The following ANO10 variants were observed in gnomAD, a reference collection of about 807,000 sequenced individuals.
ANO10 encodes the protein anoctamin-10.
A neutral mutation model predicts 74.7 loss-of-function variants in ANO10; 77 were observed. The observed-to-expected ratio is 1.03, with a 90% CI of 0.86 to 1.25. ANO10 has a LOEUF of 1.25. Among genes scored for constraint, ANO10 ranks in the 50% most tolerant of loss-of-function variants. The probability of loss-of-function intolerance (pLI) is 0.00; values close to 1 mark genes in which losing one functional copy is unlikely to be tolerated. For missense variants in ANO10, 721 were observed against 778.1 expected (o/e 0.93, Z 0.87); for synonymous variants, 279 against 284.9 (o/e 0.98, Z 0.21).
At chr3:43,404,558 T>A (rs982556927) in intron 12 of ANO10, among the ~76,000 whole-genome samples, 4 of 152,010 alleles carry the variant, frequency 2.6e-5, no homozygotes, top group Admixed American at 1.3e-4. Flanking sequence ...ACCCATCATA[T>A]TTGTGGTAAT....
intron 1 of ANO10, among the ~76,000 whole-genome samples, chr3:43,611,219 T>C (rs1040039841): frequency 6.6e-6 from 1 of 152,204 alleles, no homozygotes; most frequent in African/African-American, 2.4e-5. Flanking sequence ...CAATGTTTTA[T>C]TTCCCTTTCC....
chr3:43,667,602 T>C (rs938849338), intron 1 of ANO10, among the ~76,000 whole-genome samples: 3 of 152,088 alleles, frequency 2.0e-5, no homozygotes, highest in Non-Finnish European at 2.9e-5. Context: ...TGACCTTCCC[T>C]GCACCCTAAG....
chr3:43,690,795 G>T lies in ANO10; in HGVS notation c.-12+722C>A, dbSNP rs376299695. On this transcript the variant is annotated intron_variant, in intron 1 of 3. Transcript: ENST00000413397. The stretch of plus-strand genomic sequence containing the variant: ...TCGGGCGGGAGAACTAGTGCATGCT[G>T]GCTGGGGATGGCGGACGCAAAGCCG... 19 of 468,136 alleles carry T rather than the reference G, an allele frequency of 4.1e-5. No individual in the cohort carries two copies. In the East Asian group the frequency reaches 5.2e-4, roughly 13 times the overall value. The allele number at this position is 468,136 out of a possible 1,614,324, so 29.0% of individuals were successfully genotyped here.
chr3:43,378,128 A>G (rs895829261), intron 12 of ANO10, among the ~76,000 whole-genome samples: 1 of 152,268 alleles, frequency 6.6e-6, no homozygotes, highest in Non-Finnish European at 1.5e-5. Flanking sequence ...ATCAGTTTCA[A>G]CACAACTTAG....
intron 1 of ANO10, chr3:43,690,824 G>A (rs1442110539): frequency 1.3e-5 from 7 of 555,796 alleles, no homozygotes; most frequent in African/African-American, 8.0e-5. Flanking sequence ...AAAGCCGGAG[G>A]CAAGGCCGCG....
chr3:43,369,062 AGGG>A (rs1191395003), intron 12 of ANO10, among the ~76,000 whole-genome samples: 2 of 57,262 alleles, frequency 3.5e-5, no homozygotes, highest in South Asian at 9.0e-4. Context: ...CACAGTAGCC[AGGG>A]TGGATGGGCC....
chr3:43,591,076 C>A (rs572929285), intron 4 of ANO10, among the ~76,000 whole-genome samples: 1 of 152,196 alleles, frequency 6.6e-6, no homozygotes, highest in Admixed American at 6.5e-5. Context: ...GCGGCAACCC[C>A]CTTTGGGTCC....
At chr3:43,374,757 A>C (rs2091739006) in intron 12 of ANO10, among the ~76,000 whole-genome samples, 2 of 152,234 alleles carry the variant, frequency 1.3e-5, no homozygotes, top group African/African-American at 4.8e-5. Flanking sequence ...GCCTGGCTCC[A>C]GATACACCAG....
intron 11 of ANO10, among the ~76,000 whole-genome samples, chr3:43,501,762 T>C (rs1253261024): frequency 6.6e-6 from 1 of 152,150 alleles, no homozygotes; most frequent in Non-Finnish European, 1.5e-5. Flanking sequence ...TGTCCAGGGA[T>C]TGGTGGAAAG....
rs190278907 is a variant in ANO10, at chr3:43,496,497, G to A, written c.1797+53223C>T. On this transcript the variant is annotated intron_variant, in intron 11 of 12. Transcript: ENST00000292246. Reference sequence around the variant, plus strand: ...CACCCAGGCTTGAGCACAGTGGCACGATCTTGGCTCTCTGCAACCTCCATC... The same window carrying A: ...CACCCAGGCTTGAGCACAGTGGCACAATCTTGGCTCTCTGCAACCTCCATC... 4.8e-3 allele frequency among the ~76,000 whole-genome samples: 730 copies of A among 151,860 alleles called. 7 individuals carry two copies. The highest frequency in any genetic ancestry group is 0.015 in the African/African-American group (635 of 41,388).
At chr3:43,492,728 C>T (rs1024671246) in intron 11 of ANO10, among the ~76,000 whole-genome samples, 7 of 152,090 alleles carry the variant, frequency 4.6e-5, no homozygotes, top group African/African-American at 1.7e-4. Context: ...AAATCAAAAC[C>T]ACAATGAGAT....
chr3:43,382,315 C>T (rs1287680199), intron 12 of ANO10, among the ~76,000 whole-genome samples: 1 of 151,894 alleles, frequency 6.6e-6, no homozygotes, highest in African/African-American at 2.4e-5. Context: ...GTCAGGAGAT[C>T]GAGACCACCC....
chr3:43,646,165 A>T (rs1455786573), intron 1 of ANO10, among the ~76,000 whole-genome samples: 3 of 151,962 alleles, frequency 2.0e-5, no homozygotes, highest in Non-Finnish European at 4.4e-5. Flanking sequence ...GAAGTTTCTT[A>T]TTTTTCTGCA....
At chr3:43,506,674 C>A (rs924611696) in intron 11 of ANO10, among the ~76,000 whole-genome samples, 2 of 152,142 alleles carry the variant, frequency 1.3e-5, no homozygotes, top group African/African-American at 4.8e-5. Context: ...CACCCCTGGG[C>A]CTTTAGGGTG....
rs56218860 is a variant in ANO10 at position 43,555,585 on chromosome 3, C to T, written c.1477-116G>A. 9.9e-4 allele frequency: 951 copies of T among 959,928 alleles called. 9 individuals are homozygous for T. In the African/African-American group the frequency reaches 0.014, roughly 14 times the overall value. 59.5% of individuals were successfully genotyped at this position (959,928 alleles called of 1,614,324 possible). The stretch of plus-strand genomic sequence containing the variant: ...TCAAAAAAACCTCAAAGAGTTTCCC[C>T]ACCATACACCAGTGTTTCTCCAACT... On this transcript the variant is annotated intron_variant, in intron 9 of 12. Transcript: ENST00000292246.
intron 11 of ANO10, among the ~76,000 whole-genome samples, chr3:43,537,611 CCACACACACACACACACACA>C (rs3223349): frequency 3.6e-5 from 5 of 140,058 alleles, no homozygotes; most frequent in Non-Finnish European, 7.7e-5. Flanking sequence ...ACTTTATAAA[CCACACACACACACACACACA>C]CACACACACA....
intron 11 of ANO10, 113 bp downstream of exon 11, chr3:43,549,607 C>G: frequency 3.2e-6 from 4 of 1,230,846 alleles, no homozygotes; most frequent in Non-Finnish European, 4.8e-6. Context: ...GCTTTCTTAC[C>G]AGTAAATCCA....
At chr3:43,393,115 T>G (rs936216294) in intron 12 of ANO10, among the ~76,000 whole-genome samples, 3 of 152,238 alleles carry the variant, frequency 2.0e-5, no homozygotes. Context: ...ATGCAGATCA[T>G]GCACATGTCT....
At chr3:43,543,293 C>T (rs2079035624) in intron 11 of ANO10, among the ~76,000 whole-genome samples, 1 of 152,188 alleles carries the variant, frequency 6.6e-6, no homozygotes, top group Non-Finnish European at 1.5e-5. Flanking sequence ...GAAAATAAAG[C>T]CTGTGAGTCA....
Sources: allele counts gnomAD v4.1 joint callset (sites outside exome capture counted in the v4.1 genomes callset), GRCh38; gene constraint gnomAD v4.1.1; transcripts MANE v1.5; gene names NCBI Gene and HGNC (gene_info 2026-07-23, HGNC 2026-07-21).